The following ADGRB3 variants were observed in gnomAD, a reference collection of about 807,000 sequenced individuals.
ADGRB3 encodes the protein brain-specific angiogenesis inhibitor 3.
ADGRB3 carries 37 observed loss-of-function variants against 193.4 expected under a neutral mutation model. The observed-to-expected ratio is 0.19, with a 90% CI of 0.15 to 0.25. ADGRB3 has a LOEUF of 0.25. Ranked by LOEUF, ADGRB3 falls within the 10% of genes least tolerant of loss-of-function variation. The pLI, the probability that ADGRB3 is intolerant of heterozygous loss-of-function variation, is 1.00. For missense variants in ADGRB3, 1,637 were observed against 1,852.9 expected (o/e 0.88, Z 2.14); for synonymous variants, 690 against 644.2 (o/e 1.07, Z -1.08).
intron 17 of ADGRB3, among the ~76,000 whole-genome samples, chr6:69,147,787 A>G (rs1774547271): frequency 6.6e-6 from 1 of 152,150 alleles, no homozygotes; most frequent in South Asian, 2.1e-4. Context: ...CTCTCACTTT[A>G]GCTCTAATAA....
At chr6:69,048,105 GC>G in intron 13 of ADGRB3, 79 bp from the exon 14 acceptor site, 2 of 1,398,982 alleles carry the variant, frequency 1.4e-6, no homozygotes, top group Non-Finnish European at 2.0e-6. Flanking sequence ...TGAATATACT[GC>G]AAGATTTACC....
In ADGRB3 at chr6:68,638,782, G is replaced by A; in HGVS notation, c.107G>A (p.Gly36Glu). The A allele has an allele frequency of 6.2e-7, 1 of 1,614,086 alleles. No homozygotes were observed. The highest frequency in any genetic ancestry group is 1.6e-4 in the Middle Eastern group (1 of 6,062). ...TTCTGGTGTTCAACTTTGGTGAAGG[G>A]AGTCATTTATGGATCGTATTCTGTA... ...QDFWCSTLVK[G>E]VIYGSYSVSE... The change falls in exon 3 of 32, where the codon GGA becomes GAA. Residue 36 changes from glycine to glutamate, a missense_variant. Coordinates refer to ENST00000370598, the MANE Select transcript of ADGRB3 (RefSeq NM_001704.3).
chr6:69,100,722 C>A (rs1773007250), intron 17 of ADGRB3, among the ~76,000 whole-genome samples: 1 of 149,944 alleles, frequency 6.7e-6, no homozygotes, highest in Admixed American at 6.7e-5. Context: ...AAGGTAATTA[C>A]TGTTAAATTT....
intron 16 of ADGRB3, 117 bp downstream of exon 16, chr6:69,063,153 A>G (rs1351667165): frequency 1.5e-6 from 1 of 678,662 alleles, no homozygotes; most frequent in Non-Finnish European, 2.5e-6. Context: ...AAATATATTA[A>G]CTTGTTATGA....
intron 3 of ADGRB3, among the ~76,000 whole-genome samples, chr6:68,694,350 C>T (rs1054896194): frequency 6.6e-6 from 1 of 151,984 alleles, no homozygotes; most frequent in African/African-American, 2.4e-5. Context: ...CCATTTAGAA[C>T]CACCAGCCAT....
At chr6:68,990,396 C>T (rs538698395) in intron 10 of ADGRB3, among the ~76,000 whole-genome samples, 11 of 152,108 alleles carry the variant, frequency 7.2e-5, no homozygotes, top group East Asian at 1.9e-4. Flanking sequence ...GTAGTTGTCC[C>T]GAGTGCTTTT....
intron 3 of ADGRB3, among the ~76,000 whole-genome samples, chr6:68,759,441 G>A (rs1417448568): frequency 6.6e-6 from 1 of 152,100 alleles, no homozygotes; most frequent in East Asian, 1.9e-4. Flanking sequence ...AACAAAATAT[G>A]TGCTTCTCAC....
chr6:68,719,776 A>G (rs896015071), intron 3 of ADGRB3, among the ~76,000 whole-genome samples: 1 of 151,610 alleles, frequency 6.6e-6, no homozygotes, highest in Non-Finnish European at 1.5e-5. Context: ...ATGATTTGGC[A>G]TCAATTCAAA....
At chr6:68,986,904 G>C (rs1461619060) in intron 10 of ADGRB3, among the ~76,000 whole-genome samples, 1 of 152,052 alleles carries the variant, frequency 6.6e-6, no homozygotes. Flanking sequence ...TAGGAGGCTT[G>C]AAATGAAAAG....
At chr6:69,237,482 G>A (rs1156454031) in intron 19 of ADGRB3, among the ~76,000 whole-genome samples, 1 of 151,914 alleles carries the variant, frequency 6.6e-6, no homozygotes. Flanking sequence ...TGTCATCACT[G>A]TATTAACATA....
intron 4 of ADGRB3, among the ~76,000 whole-genome samples, chr6:68,936,036 G>C (rs1280777608): frequency 6.6e-6 from 1 of 152,140 alleles, no homozygotes; most frequent in African/African-American, 2.4e-5. Context: ...ATATAAATTA[G>C]ATGCGTCCAA....
intron 3 of ADGRB3, among the ~76,000 whole-genome samples, chr6:68,928,378 A>C (rs1457345977): frequency 1.3e-5 from 2 of 152,062 alleles, no homozygotes; most frequent in Non-Finnish European, 2.9e-5. Context: ...AACAAAAACT[A>C]AAATTAGCTA....
intron 17 of ADGRB3, among the ~76,000 whole-genome samples, chr6:69,215,453 C>CGT (rs10651298): frequency 0.16 from 23,874 of 146,564 alleles, 1,980 homozygotes; most frequent in Non-Finnish European, 0.21. Flanking sequence ...TGAACAGAAA[C>CGT]GTGTGTGTGT....
At chr6:69,028,495 T>G (rs548092157) in intron 13 of ADGRB3, among the ~76,000 whole-genome samples, 1 of 152,310 alleles carries the variant, frequency 6.6e-6, no homozygotes, top group Non-Finnish European at 1.5e-5. Context: ...ACCCTGGACT[T>G]TAATGTCGAA....
At chr6:69,174,796 T>A (rs551332732) in intron 17 of ADGRB3, among the ~76,000 whole-genome samples, 1 of 152,208 alleles carries the variant, frequency 6.6e-6, no homozygotes, top group Non-Finnish European at 1.5e-5. Context: ...TAATAATAGC[T>A]ATTCTGACTG....
chr6:68,909,870 G>T (rs543768275), intron 3 of ADGRB3, among the ~76,000 whole-genome samples: 2 of 152,252 alleles, frequency 1.3e-5, no homozygotes, highest in East Asian at 3.9e-4. Context: ...ATAAACATAC[G>T]TGTGCATGTC....
At chr6:69,273,940 T>A (rs987427515) in intron 20 of ADGRB3, among the ~76,000 whole-genome samples, 1 of 152,040 alleles carries the variant, frequency 6.6e-6, no homozygotes, top group African/African-American at 2.4e-5. Flanking sequence ...AACAAAACAC[T>A]GGAATAAAAA....
At chr6:69,278,931 C>T (rs1379908095) in intron 20 of ADGRB3, among the ~76,000 whole-genome samples, 1 of 150,864 alleles carries the variant, frequency 6.6e-6, no homozygotes, top group Admixed American at 6.6e-5. Context: ...ATATTAAAAC[C>T]ATGTAAGAAA....
At chr6:69,025,409 T>C (rs1335147087) in intron 13 of ADGRB3, among the ~76,000 whole-genome samples, 1 of 152,208 alleles carries the variant, frequency 6.6e-6, no homozygotes, top group Non-Finnish European at 1.5e-5. Context: ...TTTTCCTTTG[T>C]GTCGCTGCTT....
Sources: allele counts gnomAD v4.1 joint callset (sites outside exome capture counted in the v4.1 genomes callset), GRCh38; gene constraint gnomAD v4.1.1; transcripts MANE v1.5; gene names NCBI Gene and HGNC (gene_info 2026-07-23, HGNC 2026-07-21).